DOK6: variants seen among roughly 807,000 people sequenced by gnomAD.
DOK6 encodes the protein docking protein 6.
DOK6 carries 22 observed loss-of-function variants against 44.0 expected under a neutral mutation model. The observed-to-expected ratio is 0.50, with a 90% CI of 0.36 to 0.71. The LOEUF is 0.71. DOK6 is among the 30% of genes least tolerant of loss of function. The pLI is 0.00. For synonymous variants in DOK6, 166 were observed against 145.5 expected, an observed-to-expected ratio of 1.14 and a Z score of -1.01; for missense variants, 340 against 416.4, an observed-to-expected ratio of 0.82 and a Z score of 1.60.
At chr18:69,401,834 G>C (rs1233250635) in intron 1 of DOK6, among the ~76,000 whole-genome samples, 1 of 152,106 alleles carries the variant, frequency 6.6e-6, no homozygotes, top group Non-Finnish European at 1.5e-5. Context: ...GGCCGAGGGC[G>C]GCTCCCGCGC....
intron 7 of DOK6, among the ~76,000 whole-genome samples, chr18:69,805,689 C>A (rs1981033085): frequency 6.6e-6 from 1 of 151,998 alleles, no homozygotes; most frequent in Admixed American, 6.6e-5. Context: ...AAATAGATTT[C>A]TCACCAAAAA....
intron 1 of DOK6, among the ~76,000 whole-genome samples, chr18:69,548,848 C>G (rs1982480834): frequency 6.6e-6 from 1 of 151,512 alleles, no homozygotes; most frequent in Non-Finnish European, 1.5e-5. Flanking sequence ...AATCCCAGCA[C>G]TTTGGGAGGC....
chr18:69,693,253 C>G (rs1041331089), intron 4 of DOK6, among the ~76,000 whole-genome samples: 1 of 149,928 alleles, frequency 6.7e-6, no homozygotes, highest in Non-Finnish European at 1.5e-5. Flanking sequence ...AACCTTCAAA[C>G]CCATGACTTC....
chr18:69,553,571 C>T (rs2032652666), intron 1 of DOK6, among the ~76,000 whole-genome samples: 1 of 152,152 alleles, frequency 6.6e-6, no homozygotes, highest in Non-Finnish European at 1.5e-5. Flanking sequence ...ATGAGACTTA[C>T]TTACCCTTCT....
chr18:69,673,965 G>A (rs530535361), intron 3 of DOK6, among the ~76,000 whole-genome samples: 24 of 152,144 alleles, frequency 1.6e-4, no homozygotes, highest in South Asian at 8.3e-4. Flanking sequence ...AAAGGCACTC[G>A]GTCTATGGGA....
chr18:69,403,950 C>T (rs948333394), intron 1 of DOK6, among the ~76,000 whole-genome samples: 2 of 152,022 alleles, frequency 1.3e-5, no homozygotes, highest in Admixed American at 6.5e-5. Flanking sequence ...TCCAAGGACA[C>T]GATGAGTTTT....
intron 7 of DOK6, among the ~76,000 whole-genome samples, chr18:69,822,653 T>G (rs535691410): frequency 2.6e-5 from 4 of 152,340 alleles, no homozygotes; most frequent in African/African-American, 9.6e-5. Context: ...CAGGCGTATG[T>G]TTCTTGACAT....
intron 1 of DOK6, among the ~76,000 whole-genome samples, chr18:69,428,930 G>A (rs550198910): frequency 1.6e-4 from 24 of 152,270 alleles, no homozygotes; most frequent in Admixed American, 3.3e-4. Context: ...AGGCACCTAC[G>A]TGATACGTGG....
chr18:69,508,298 T>C (rs751169903), intron 1 of DOK6, among the ~76,000 whole-genome samples: 1 of 152,170 alleles, frequency 6.6e-6, no homozygotes, highest in African/African-American at 2.4e-5. Context: ...ATTAATAAGG[T>C]ACATTGGTCT....
chr18:69,787,697 AG>A (rs1980473814), intron 7 of DOK6, among the ~76,000 whole-genome samples: 1 of 152,182 alleles, frequency 6.6e-6, no homozygotes, highest in African/African-American at 2.4e-5. Flanking sequence ...CAAAGTTAAA[AG>A]TGGTTCTAGT....
chr18:69,411,828 A>G (rs1978307435), intron 1 of DOK6, among the ~76,000 whole-genome samples: 1 of 152,098 alleles, frequency 6.6e-6, no homozygotes, highest in South Asian at 2.1e-4. Context: ...GGAAGCAGAT[A>G]TTTGGCAAGT....
At chr18:69,495,821 C>T (rs1980869401) in intron 1 of DOK6, among the ~76,000 whole-genome samples, 1 of 152,236 alleles carries the variant, frequency 6.6e-6, no homozygotes, top group South Asian at 2.1e-4. Flanking sequence ...CTATGCTCAT[C>T]AGCACCCAAA....
At chr18:69,556,619 C>T (rs899630003) in intron 1 of DOK6, among the ~76,000 whole-genome samples, 15 of 152,128 alleles carry the variant, frequency 9.9e-5, no homozygotes, top group African/African-American at 3.1e-4. Context: ...TTATTTTATT[C>T]GTTTAAATTC....
chr18:69,773,845 A>T (rs1367638900), intron 7 of DOK6, among the ~76,000 whole-genome samples: 4 of 151,728 alleles, frequency 2.6e-5, no homozygotes, highest in Non-Finnish European at 5.9e-5. Flanking sequence ...CACTATGGAA[A>T]ACAGTCTGGA....
At chr18:69,532,082 C>A (rs1982001534) in intron 1 of DOK6, among the ~76,000 whole-genome samples, 2 of 152,156 alleles carry the variant, frequency 1.3e-5, no homozygotes, top group African/African-American at 4.8e-5. Flanking sequence ...AGAAAGAAGG[C>A]CCTCACTAAG....
chr18:69,693,885 C>T (rs1301333037), intron 4 of DOK6, among the ~76,000 whole-genome samples: 2 of 151,470 alleles, frequency 1.3e-5, no homozygotes, highest in East Asian at 1.9e-4. Context: ...AGTGAAACCC[C>T]GCCTCTACTA....
At chr18:69,668,704 C>G (rs1014089562) in intron 3 of DOK6, among the ~76,000 whole-genome samples, 3 of 151,946 alleles carry the variant, frequency 2.0e-5, no homozygotes, top group African/African-American at 7.3e-5. Context: ...TATAAGAGTC[C>G]TAGTTTGTTG....
At chr18:69,723,546 T>C (rs1304366939) in intron 5 of DOK6, among the ~76,000 whole-genome samples, 1 of 152,104 alleles carries the variant, frequency 6.6e-6, no homozygotes, top group African/African-American at 2.4e-5. Flanking sequence ...GGAAACACCA[T>C]CTCTAAACAT....
intron 3 of DOK6, among the ~76,000 whole-genome samples, chr18:69,637,723 T>A (rs1048152530): frequency 1.9e-5 from 2 of 107,346 alleles, no homozygotes; most frequent in Non-Finnish European, 4.0e-5. Flanking sequence ...TAGAAAATTA[T>A]AATATTCTCT....
Sources: gnomAD v4.1 joint callset for allele counts (sites outside exome capture counted in the v4.1 genomes callset) on GRCh38, gnomAD v4.1.1 for gene constraint, MANE v1.5 for transcripts, NCBI Gene and HGNC (gene_info 2026-07-23, HGNC 2026-07-21) for gene names.